Variants in SLFN5 observed in about 807,000 individuals in gnomAD.
SLFN5 encodes schlafen family member 5.
Under a neutral mutation model 48.5 loss-of-function variants are expected in SLFN5, and 34 were observed. The observed-to-expected ratio is 0.70, with a 90% confidence interval of 0.53 to 0.93. The LOEUF (loss-of-function observed/expected upper bound fraction) is 0.93, where lower values mean the gene tolerates loss of function less well. Ranked by LOEUF, SLFN5 falls within the 40% of genes least tolerant of loss-of-function variation. SLFN5 has a pLI of 0.00. For synonymous variants in SLFN5, 387 were observed against 396.2 expected (o/e 0.98, Z 0.28); for missense variants, 1,006 against 1,071.3 (o/e 0.94, Z 0.85).
chr17:35,254,652 G>T (rs1378677647), intron 1 of SLFN5, among the ~76,000 whole-genome samples: 1 of 152,124 alleles, frequency 6.6e-6, no homozygotes, highest in Non-Finnish European at 1.5e-5. Flanking sequence ...TTCTATTTTG[G>T]TGTCATCAAC....
At chr17:35,263,823 A>G (rs1904590860) in intron 3 of SLFN5, among the ~76,000 whole-genome samples, 1 of 151,462 alleles carries the variant, frequency 6.6e-6, no homozygotes, top group African/African-American at 2.4e-5. Flanking sequence ...AAAAAAAAAA[A>G]AAAGAAGAAG....
chr17:35,249,726 A>G (rs545527608), intron 1 of SLFN5, among the ~76,000 whole-genome samples: 1 of 152,356 alleles, frequency 6.6e-6, no homozygotes, highest in East Asian at 1.9e-4. Context: ...TGCAAATGGA[A>G]CTGTAATATG....
rs1160839435 is a variant in SLFN5 at position 35,271,141 on chromosome 17, C to T, written c.*5253C>T. On this transcript the variant is annotated 3_prime_UTR_variant, in exon 5 of 5. Transcript: ENST00000299977. ...CTCTCCCCAAACTATCATTCAGAGT[C>T]GAGGGCAAAATAAATAGATTTTCTG... 1 of 151,996 alleles carries T rather than the reference C, an allele frequency of 6.6e-6. No individual in the cohort carries two copies. The highest frequency in any genetic ancestry group is 1.5e-5 in the Non-Finnish European group (1 of 68,004). The allele number at this position is 151,996 out of a possible 1,614,324, so 9.4% of individuals were successfully genotyped here. A position where few individuals can be genotyped will look rare whatever the true frequency, so the allele number is the denominator to read the frequency against.
intron 1 of SLFN5, among the ~76,000 whole-genome samples, chr17:35,255,026 A>AAAAT (rs2092451135): frequency 6.6e-6 from 1 of 152,178 alleles, no homozygotes; most frequent in Non-Finnish European, 1.5e-5. Flanking sequence ...CAAAAAAATC[A>AAAAT]AAATAAATAA....
At chr17:35,249,926 T>G (rs2092438558) in intron 1 of SLFN5, among the ~76,000 whole-genome samples, 2 of 152,282 alleles carry the variant, frequency 1.3e-5, no homozygotes, top group Admixed American at 1.3e-4. Flanking sequence ...AAGCAGAACT[T>G]ACTAAGTTCA....
intron 1 of SLFN5, among the ~76,000 whole-genome samples, chr17:35,246,855 GAA>G (rs35223656): frequency 2.3e-4 from 31 of 133,866 alleles, no homozygotes; most frequent in African/African-American, 8.1e-4. Flanking sequence ...CTCCATCTCA[GAA>G]AAAAAAAAAA....
rs748717204 is a variant in SLFN5, at chr17:35,271,780, A to T, written c.*5892A>T. 2.0e-5 allele frequency: 3 copies of T among 152,236 alleles called. No homozygotes were observed. The highest frequency in any genetic ancestry group is 7.2e-5 in the African/African-American group (3 of 41,470). The allele number at this position is 152,236 out of a possible 1,614,324, so 9.4% of individuals were successfully genotyped here. ...CATGGTGGCTCACTCCTGTAATCCC[A>T]GCACTTTGAGAGGCCGAGGCAGGTG... On this transcript the variant is annotated 3_prime_UTR_variant, in exon 5 of 5. Coordinates refer to ENST00000299977, the MANE Select transcript of SLFN5 (RefSeq NM_144975.4).
chr17:35,271,251 C>A lies in SLFN5; in HGVS notation c.*5363C>A, dbSNP rs1202489840. Reference sequence around the variant, plus strand: ...TAAGTGATTTTTAAAAAACTTCCTACTTGTTCCAAGTCAGAAAAACTATTC... The same window carrying A: ...TAAGTGATTTTTAAAAAACTTCCTAATTGTTCCAAGTCAGAAAAACTATTC... On this transcript the variant is annotated 3_prime_UTR_variant, in exon 5 of 5. Coordinates refer to ENST00000299977, the MANE Select transcript of SLFN5 (RefSeq NM_144975.4). 1 of 152,082 alleles carries A rather than the reference C, an allele frequency of 6.6e-6. No individual in the cohort carries two copies. Among genetic ancestry groups the A allele is most frequent in the Non-Finnish European group, 1.5e-5 (1 of 68,026 alleles). The allele number at this position is 152,082 out of a possible 1,614,324, so 9.4% of individuals were successfully genotyped here.
chr17:35,249,854 GAC>G (rs2092438454), intron 1 of SLFN5, among the ~76,000 whole-genome samples: 3 of 152,274 alleles, frequency 2.0e-5, no homozygotes, highest in African/African-American at 7.2e-5. Context: ...CACCAAACCT[GAC>G]AGTGTAAGGG....
chr17:35,263,227 T>A (rs1904572383), intron 3 of SLFN5, among the ~76,000 whole-genome samples: 1 of 151,958 alleles, frequency 6.6e-6, no homozygotes. Flanking sequence ...GCCTCCTGGG[T>A]TTAAGCGATT....
rs1904841671 is a variant in SLFN5 at position 35,271,988 on chromosome 17, C to T, written c.*6100C>T. ...TCGAGGCTGTAGTGAGCCAAAATCA[C>T]ATCACTGCACTCCAGTCTGGGCAGC... On this transcript the variant is annotated 3_prime_UTR_variant, in exon 5 of 5. Coordinates refer to ENST00000299977, the MANE Select transcript of SLFN5 (RefSeq NM_144975.4). The T allele has an allele frequency of 6.6e-6, 1 of 151,564 alleles. No individual in the cohort carries two copies. Among genetic ancestry groups the T allele is most frequent in the Non-Finnish European group, 1.5e-5 (1 of 67,984 alleles). 9.4% of individuals were successfully genotyped at this position (151,564 alleles called of 1,614,324 possible). A position where few individuals can be genotyped will look rare whatever the true frequency, so the allele number is the denominator to read the frequency against.
Position 35,266,142 on chromosome 17 carries a change from A to AGTGTG in SLFN5, c.*254_*255insGTGTG. ...AATTAGAGGACCGTGAGACTCAGAG[A>AGTGTG]TGTGTGTGTGTGTGTGTGTGTGTGT... On this transcript the variant is annotated 3_prime_UTR_variant, in exon 5 of 5. Coordinates refer to ENST00000299977, the MANE Select transcript of SLFN5 (RefSeq NM_144975.4). The AGTGTG allele has an allele frequency of 8.3e-6, 2 of 239,762 alleles. No homozygotes were observed. The highest frequency in any genetic ancestry group is 1.5e-4 in the South Asian group (2 of 13,238). 14.9% of individuals were successfully genotyped at this position (239,762 alleles called of 1,614,324 possible). A position where few individuals can be genotyped will look rare whatever the true frequency, so the allele number is the denominator to read the frequency against.
intron 2 of SLFN5, 151 bp from the exon 3 acceptor site, chr17:35,260,820 G>A: frequency 3.4e-6 from 3 of 879,198 alleles, no homozygotes; most frequent in Non-Finnish European, 4.7e-6. Context: ...AACCTCAGTA[G>A]GCTTTCCTGA....
chr17:35,267,679 C>G lies in SLFN5; in HGVS notation c.*1791C>G, dbSNP rs1428953309. 6.6e-6 allele frequency: 1 copy of G among 152,012 alleles called. No individual in the cohort carries two copies. The highest frequency in any genetic ancestry group is 1.5e-5 in the Non-Finnish European group (1 of 68,028). 9.4% of individuals were successfully genotyped at this position (152,012 alleles called of 1,614,324 possible). On this transcript the variant is annotated 3_prime_UTR_variant, in exon 5 of 5. Coordinates refer to ENST00000299977, the MANE Select transcript of SLFN5 (RefSeq NM_144975.4). ...AGGTTACAGTGAGCTATGATCATAC[C>G]AGTGCACTCCAGTCTGGGTGACAGA...
In SLFN5 at chr17:35,266,179, C is replaced by CGCGCGT. The variant is rs1904688362; in HGVS notation, c.*296_*297insTGCGCG. The CGCGCGT allele has an allele frequency of 8.1e-6, 1 of 123,872 alleles. No homozygotes were observed. Among genetic ancestry groups the CGCGCGT allele is most frequent in the South Asian group, 1.9e-4 (1 of 5,362 alleles). 7.7% of individuals were successfully genotyped at this position (123,872 alleles called of 1,614,324 possible). On this transcript the variant is annotated 3_prime_UTR_variant, in exon 5 of 5. Transcript: ENST00000299977. ...GTGTGTGTGTGTGTGTGTGTGTGTG[C>CGCGCGT]GCGCGCGCACGTGCACATGTGTGTA...
chr17:35,265,895 A>C lies in SLFN5; in HGVS notation c.*7A>C, dbSNP rs1904671319. On this transcript the variant is annotated 3_prime_UTR_variant, in exon 5 of 5. Coordinates refer to ENST00000299977, the MANE Select transcript of SLFN5 (RefSeq NM_144975.4). ...TCTGAAGGCTTCTGTGTGACAGGAA[A>C]CCCAAGCCTAAGAAACAATTAAGTG... is the stretch of plus-strand genomic sequence containing the variant. 1.9e-6 allele frequency: 3 copies of C among 1,565,262 alleles called. No individual in the cohort carries two copies. Among genetic ancestry groups the C allele is most frequent in the Non-Finnish European group, 2.6e-6 (3 of 1,158,920 alleles).
At chr17:35,263,894 T>G (rs28535904) in intron 3 of SLFN5, among the ~76,000 whole-genome samples, 1,949 of 152,064 alleles carry the variant, frequency 0.013, 47 homozygotes, top group African/African-American at 0.045. Flanking sequence ...CATAAAGACT[T>G]TCATATTTTC....
chr17:35,263,713 C>T (rs1268988058), intron 3 of SLFN5, among the ~76,000 whole-genome samples: 1 of 149,366 alleles, frequency 6.7e-6, no homozygotes, highest in Admixed American at 6.8e-5. Flanking sequence ...GTCCCAGCTA[C>T]TTGGGAGGCT....
In SLFN5 at chr17:35,259,017, A is replaced by G. The variant is rs760325412; in HGVS notation, c.327A>G (p.Pro109=). Residue 109 remains proline (P), a synonymous_variant, in exon 2 of 5, where the codon CCA becomes CCG. Transcript: ENST00000299977. ...CATGGAACACAGAGGCTGGTGTGCC[A>G]CTTGCTACCTTATGCTCCAATTTGT... ...VKSWNTEAGV[P]LATLCSNLYH... 6 of 1,614,080 alleles carry G rather than the reference A, an allele frequency of 3.7e-6. No individual in the cohort carries two copies. The highest frequency in any genetic ancestry group is 3.4e-6 in the Non-Finnish European group (4 of 1,180,036).
Sources: allele counts gnomAD v4.1 joint callset (sites outside exome capture counted in the v4.1 genomes callset), GRCh38; gene constraint gnomAD v4.1.1; transcripts MANE v1.5; gene names NCBI Gene and HGNC (gene_info 2026-07-23, HGNC 2026-07-21).